The following INPP4B variants were observed in gnomAD, a reference collection of about 807,000 sequenced individuals.
The protein encoded by INPP4B is inositol polyphosphate-4-phosphatase type II B, also known as inositol polyphosphate 4-phosphatase type II.
In INPP4B, 55 loss-of-function variants were observed where a neutral mutation model predicts 122.5. That is an observed-to-expected ratio of 0.45 (90% CI 0.36 to 0.56). The LOEUF (loss-of-function observed/expected upper bound fraction) is 0.56, where lower values mean the gene tolerates loss of function less well. INPP4B is among the 20% of genes least tolerant of loss of function. INPP4B has a pLI of 0.00. For synonymous variants in INPP4B, 403 were observed against 388.7 expected (o/e 1.04, Z -0.43); for missense variants, 1,000 against 1,097.7 (o/e 0.91, Z 1.26).
chr4:142,322,359 C>T (rs1770410154), intron 7 of INPP4B, among the ~76,000 whole-genome samples: 1 of 152,050 alleles, frequency 6.6e-6, no homozygotes, highest in Non-Finnish European at 1.5e-5. Flanking sequence ...TCTTCTTCAA[C>T]ATTTGGAATT....
intron 7 of INPP4B, among the ~76,000 whole-genome samples, chr4:142,361,536 TA>T (rs1270279690): frequency 6.6e-6 from 1 of 152,036 alleles, no homozygotes; most frequent in African/African-American, 2.4e-5. Flanking sequence ...TGTAAGTGAA[TA>T]TATATGCTAA....
intron 2 of INPP4B, among the ~76,000 whole-genome samples, chr4:142,548,775 G>GTA (rs1491537580): frequency 7.4e-6 from 1 of 135,114 alleles, no homozygotes; most frequent in Non-Finnish European, 1.6e-5. Flanking sequence ...GTGTGTGTGT[G>GTA]TATACATATA....
chr4:142,068,351 C>T (rs1181657986), intron 25 of INPP4B, among the ~76,000 whole-genome samples: 1 of 152,164 alleles, frequency 6.6e-6, no homozygotes, highest in African/African-American at 2.4e-5. Flanking sequence ...TGAAAAGGAA[C>T]AATCAGTACC....
intron 2 of INPP4B, among the ~76,000 whole-genome samples, chr4:142,649,423 C>G (rs1276819252): frequency 6.6e-6 from 1 of 152,122 alleles, no homozygotes; most frequent in African/African-American, 2.4e-5. Flanking sequence ...ACAAACTTCT[C>G]CGAGCTAAAG....
At chr4:142,318,199 C>T (rs1287050161) in intron 7 of INPP4B, among the ~76,000 whole-genome samples, 1 of 149,880 alleles carries the variant, frequency 6.7e-6, no homozygotes, top group Non-Finnish European at 1.5e-5. Flanking sequence ...GAGAGAAGAA[C>T]AAAGTGTGTG....
intron 2 of INPP4B, among the ~76,000 whole-genome samples, chr4:142,674,802 A>G (rs887721082): frequency 1.3e-5 from 2 of 152,150 alleles, no homozygotes; most frequent in Non-Finnish European, 2.9e-5. Flanking sequence ...AAGAAGAAAT[A>G]AATCAATGAG....
At chr4:142,596,320 T>C (rs1738679366) in intron 2 of INPP4B, among the ~76,000 whole-genome samples, 1 of 152,174 alleles carries the variant, frequency 6.6e-6, no homozygotes, top group Admixed American at 6.5e-5. Context: ...TATGTGATGT[T>C]TGGGACCTAG....
At chr4:142,365,928 G>C (rs529145916) in intron 7 of INPP4B, among the ~76,000 whole-genome samples, 1 of 151,902 alleles carries the variant, frequency 6.6e-6, no homozygotes, top group Admixed American at 6.6e-5. Flanking sequence ...TTCTCAAAAC[G>C]AAATGGTGGT....
At chr4:142,302,841 T>A (rs979457863) in intron 9 of INPP4B, among the ~76,000 whole-genome samples, 1 of 152,098 alleles carries the variant, frequency 6.6e-6, no homozygotes, top group African/African-American at 2.4e-5. Flanking sequence ...AAATGCACAG[T>A]AGTGAAACAG....
At chr4:142,129,059 T>G (rs1350815567) in intron 18 of INPP4B, among the ~76,000 whole-genome samples, 4 of 152,190 alleles carry the variant, frequency 2.6e-5, no homozygotes, top group African/African-American at 9.7e-5. Context: ...GTAAAAAGAT[T>G]GCACATGCAT....
chr4:142,835,416 A>C (rs1245955095), intron 1 of INPP4B, among the ~76,000 whole-genome samples: 1 of 152,230 alleles, frequency 6.6e-6, no homozygotes, highest in Non-Finnish European at 1.5e-5. Flanking sequence ...TCACAGAAAG[A>C]GAACTATAGT....
At chr4:142,658,218 A>G (rs751870941) in intron 2 of INPP4B, among the ~76,000 whole-genome samples, 1 of 152,162 alleles carries the variant, frequency 6.6e-6, no homozygotes, top group African/African-American at 2.4e-5. Context: ...AATCCTTTTC[A>G]AAAAATGGTT....
intron 2 of INPP4B, among the ~76,000 whole-genome samples, chr4:142,493,486 G>T (rs1056329461): frequency 1.3e-5 from 2 of 152,214 alleles, no homozygotes; most frequent in Non-Finnish European, 2.9e-5. Flanking sequence ...GCTGCCCAAG[G>T]CTGTGGGAGC....
At chr4:142,042,516 G>GTGTGTGTGTGTA (rs1297140777) in intron 25 of INPP4B, among the ~76,000 whole-genome samples, 623 of 48,174 alleles carry the variant, frequency 0.013, 5 homozygotes, top group Middle Eastern at 0.044. Context: ...TTATGTGTGT[G>GTGTGTGTGTGTA]TGTATGTATG....
At chr4:142,098,692 G>T (rs1482104505) in intron 23 of INPP4B, among the ~76,000 whole-genome samples, 2 of 152,104 alleles carry the variant, frequency 1.3e-5, no homozygotes, top group African/African-American at 4.8e-5. Flanking sequence ...GCAACTAAAA[G>T]GTTGAAATTA....
chr4:142,543,356 T>C (rs950240852), intron 2 of INPP4B, among the ~76,000 whole-genome samples: 43 of 152,188 alleles, frequency 2.8e-4, no homozygotes, highest in Non-Finnish European at 2.8e-4. Context: ...TGAGTGCTTC[T>C]GTTTCCAAGT....
At chr4:142,344,280 G>C (rs1430625757) in intron 7 of INPP4B, among the ~76,000 whole-genome samples, 1 of 151,910 alleles carries the variant, frequency 6.6e-6, no homozygotes, top group African/African-American at 2.4e-5. Context: ...TTAAACAAGG[G>C]AAGCTGTGGA....
intron 5 of INPP4B, among the ~76,000 whole-genome samples, chr4:142,418,368 A>C (rs182304651): frequency 2.0e-4 from 30 of 152,300 alleles, no homozygotes; most frequent in Middle Eastern, 3.4e-3. Context: ...CATGCATATC[A>C]GCCCATAGAT....
At chr4:142,233,049 A>T (rs1158612645) in intron 12 of INPP4B, among the ~76,000 whole-genome samples, 1 of 152,192 alleles carries the variant, frequency 6.6e-6, no homozygotes, top group Non-Finnish European at 1.5e-5. Flanking sequence ...ATAAAAGTAC[A>T]AGGTGAAGCA....
Sources: gnomAD v4.1 joint callset for allele counts (sites outside exome capture counted in the v4.1 genomes callset) on GRCh38, gnomAD v4.1.1 for gene constraint, MANE v1.5 for transcripts, NCBI Gene and HGNC (gene_info 2026-07-23, HGNC 2026-07-21) for gene names.